The following ACSM6 variants were observed in gnomAD, a reference collection of about 807,000 sequenced individuals.
The protein encoded by ACSM6 is acyl-CoA synthetase medium chain family member 6, also known as acyl-coenzyme A synthetase ACSM6, mitochondrial.
Under a neutral mutation model 51.1 loss-of-function variants are expected in ACSM6, and 35 were observed. That is an observed-to-expected ratio of 0.69 (90% confidence interval 0.52 to 0.91). The LOEUF is 0.91. ACSM6 is among the 40% of genes least tolerant of loss of function. ACSM6 has a pLI of 0.00. For missense variants in ACSM6, 509 were observed against 584.1 expected (o/e 0.87, Z 1.32); for synonymous variants, 172 against 207.3 (o/e 0.83, Z 1.46).
At chr10:95,201,934 G>A in intron 2 of ACSM6, 51 bp from the exon 3 acceptor site, 2 of 1,504,456 alleles carry the variant, frequency 1.3e-6, no homozygotes, top group South Asian at 2.4e-5. Context: ...GCCTCCCATA[G>A]CCAATGTCCA....
chr10:95,210,645 TAC>T lies in ACSM6; in HGVS notation c.612-3_612-2del, dbSNP rs1300665866. ...TCTCACTGTTGCCTCTTTCCTGGCT[TAC>T]AGAGTTGCCCCTCCAAAGCAGACCT... is the stretch of plus-strand genomic sequence containing the variant. On this transcript the variant is annotated splice_region_variant and splice_polypyrimidine_tract_variant and intron_variant, in intron 4 of 10. Coordinates refer to ENST00000341686, the Ensembl canonical transcript of ACSM6. 24 of 1,612,532 alleles carry T rather than the reference TAC, an allele frequency of 1.5e-5. No homozygotes were observed. The Admixed American group carries it at 2.8e-4, about 19-fold the overall frequency.
intron 7 of ACSM6, among the ~76,000 whole-genome samples, chr10:95,214,100 G>A (rs1321293569): frequency 2.0e-5 from 3 of 152,310 alleles, no homozygotes; most frequent in Non-Finnish European, 4.4e-5. Flanking sequence ...AGGCAATGAT[G>A]TAATGGTATA....
intron 2 of ACSM6, among the ~76,000 whole-genome samples, chr10:95,197,404 A>C (rs1178982725): frequency 6.6e-6 from 1 of 152,198 alleles, no homozygotes; most frequent in Non-Finnish European, 1.5e-5. Context: ...TTCAGCAAAA[A>C]GGAATGTAGT....
chr10:95,198,363 A>C (rs1455521177), intron 2 of ACSM6, among the ~76,000 whole-genome samples: 1 of 152,156 alleles, frequency 6.6e-6, no homozygotes, highest in Non-Finnish European at 1.5e-5. Flanking sequence ...CAAAAATGAA[A>C]ATTACAACCA....
Position 95,215,252 on chromosome 10 carries a change from T to C in ACSM6, c.1119+277T>C, listed in dbSNP as rs368073911. On this transcript the variant is annotated intron_variant, in intron 8 of 10. Coordinates refer to ENST00000341686, the Ensembl canonical transcript of ACSM6. ...CTTTGTGGAGTATAAGGCAATATCA[T>C]GTGATAAGAATGAAAAAATGATGGG... 2.7e-4 allele frequency among the ~76,000 whole-genome samples: 41 copies of C among 152,316 alleles called. No homozygotes were observed. In the South Asian group the frequency reaches 8.3e-3, roughly 31 times the overall value.
At chr10:95,194,591 CCTGACT>C in exon 2 of ACSM6, 1 of 1,552,146 alleles carries the variant, frequency 6.4e-7, no homozygotes, top group South Asian at 1.2e-5. Context: ...CATCAGACCC[CCTGACT>C]CCAGGTGCCT....
intron 10 of ACSM6, 184 bp downstream of exon 10, chr10:95,225,575 C>A: frequency 2.2e-6 from 1 of 457,776 alleles, no homozygotes; most frequent in Non-Finnish European, 3.8e-6. Context: ...TAAGATTTTG[C>A]CCCATTTACT....
chr10:95,225,714 A>C (rs1274959882), intron 10 of ACSM6: 1 of 197,422 alleles, frequency 5.1e-6, no homozygotes, highest in Non-Finnish European at 1.0e-5. Context: ...CATCACATCT[A>C]TGAAAATTAA....
chr10:95,202,665 T>C (rs939991785), intron 3 of ACSM6, among the ~76,000 whole-genome samples: 1 of 152,010 alleles, frequency 6.6e-6, no homozygotes, highest in Non-Finnish European at 1.5e-5. Context: ...GGCTCACACC[T>C]GTAATTCCAA....
intron 8 of ACSM6, among the ~76,000 whole-genome samples, chr10:95,217,529 TG>T (rs998891876): frequency 6.6e-6 from 1 of 151,964 alleles, no homozygotes; most frequent in Non-Finnish European, 1.5e-5. Context: ...GAATTTGTGG[TG>T]GGGGGCAGGG....
intron 8 of ACSM6, among the ~76,000 whole-genome samples, chr10:95,218,160 A>G (rs192831597): frequency 2.0e-5 from 3 of 152,358 alleles, no homozygotes; most frequent in Non-Finnish European, 2.9e-5. Flanking sequence ...AACATCTGAA[A>G]TAAGGCAAGG....
At chr10:95,202,345 AC>A (rs764961853) in intron 3 of ACSM6, 150 bp downstream of exon 3, 3 of 695,076 alleles carry the variant, frequency 4.3e-6, no homozygotes, top group Admixed American at 2.5e-5. Flanking sequence ...CTAGATTTGA[AC>A]CCAGCTCCAC....
chr10:95,217,470 A>C (rs1334274272), intron 8 of ACSM6, among the ~76,000 whole-genome samples: 1 of 152,096 alleles, frequency 6.6e-6, no homozygotes, highest in Non-Finnish European at 1.5e-5. Flanking sequence ...TTTTGAGAGA[A>C]TTGAATACCC....
At chr10:95,206,703 G>A (rs659949) in intron 3 of ACSM6, among the ~76,000 whole-genome samples, 78,518 of 151,956 alleles carry the variant, frequency 0.52, 21,214 homozygotes, top group Middle Eastern at 0.66. Flanking sequence ...TGCAACCAGC[G>A]TATGCCAGTC....
At chr10:95,201,871 G>C (rs958000449) in intron 2 of ACSM6, 114 bp from the exon 3 acceptor site, 10 of 827,470 alleles carry the variant, frequency 1.2e-5, no homozygotes, top group Non-Finnish European at 2.0e-5. Context: ...CTAAGCCCAG[G>C]CATCCTAGCC....
intron 2 of ACSM6, 90 bp downstream of exon 2, chr10:95,194,767 G>A: frequency 8.3e-7 from 1 of 1,200,370 alleles, no homozygotes; most frequent in African/African-American, 1.5e-5. Flanking sequence ...CCCATCTATG[G>A]CTGGCACTAG....
intron 2 of ACSM6, 150 bp from the exon 3 acceptor site, chr10:95,201,834 GT>G: frequency 3.1e-6 from 2 of 650,696 alleles, no homozygotes; most frequent in South Asian, 3.7e-5. Context: ...AAATATTTCT[GT>G]GCCAGTTGAG....
intron 8 of ACSM6, among the ~76,000 whole-genome samples, chr10:95,219,240 T>C (rs376462231): frequency 5.9e-5 from 9 of 152,284 alleles, no homozygotes; most frequent in African/African-American, 2.2e-4. Flanking sequence ...AAGACAAAAA[T>C]AGACAAAACT....
chr10:95,202,885 G>C (rs1198055190), intron 3 of ACSM6, among the ~76,000 whole-genome samples: 1 of 149,598 alleles, frequency 6.7e-6, no homozygotes, highest in African/African-American at 2.5e-5. Context: ...GTTGCAGTGT[G>C]CTGAGATTGT....
Sources: gnomAD v4.1 joint callset for allele counts (sites outside exome capture counted in the v4.1 genomes callset) on GRCh38, gnomAD v4.1.1 for gene constraint, MANE v1.5 for transcripts, NCBI Gene and HGNC (gene_info 2026-07-23, HGNC 2026-07-21) for gene names.